OVGP1: variants seen among roughly 807,000 people sequenced by gnomAD.
OVGP1 encodes oviduct-specific glycoprotein.
Under a neutral mutation model 48.2 loss-of-function variants are expected in OVGP1, and 26 were observed. The observed-to-expected ratio is 0.54, with a 90% confidence interval of 0.40 to 0.75. The LOEUF (loss-of-function observed/expected upper bound fraction) is 0.75. Among genes scored for constraint, OVGP1 ranks in the 30% least tolerant of loss-of-function variants. OVGP1 has a pLI of 0.00. For synonymous variants in OVGP1, 294 were observed against 305.7 expected, an observed-to-expected ratio of 0.96 and a Z score of 0.40; for missense variants, 791 against 820.6, an observed-to-expected ratio of 0.96 and a Z score of 0.44.
Position 111,426,838 on chromosome 1 carries a change from T to G in OVGP1, c.56-197A>C. On this transcript the variant is annotated intron_variant, in intron 2 of 10. Transcript: ENST00000369732. Reference sequence around the variant, plus strand: ...TGCTGAGGTCTCAGGAAGAAAACAATGCCTTGTGAAATCCTGGTCAGAACA... The same window carrying G: ...TGCTGAGGTCTCAGGAAGAAAACAAGGCCTTGTGAAATCCTGGTCAGAACA... 1.9e-6 allele frequency: 3 copies of G among 1,547,776 alleles called. No homozygotes were observed. In the South Asian group the frequency reaches 3.6e-5, roughly 19 times the overall value.
chr1:111,426,862 C>A (rs1317139342), intron 2 of OVGP1, 200 bp downstream of exon 2: 19 of 1,548,690 alleles, frequency 1.2e-5, no homozygotes, highest in Non-Finnish European at 1.7e-5. Context: ...CTGGTCAGAA[C>A]AGATTCTCAA....
chr1:111,416,453 C>T lies in OVGP1; in HGVS notation c.1026G>A (p.Trp342Ter), dbSNP rs145466502. The T allele has an allele frequency of 1.3e-4, 204 of 1,602,732 alleles. No individual in the cohort carries two copies. The highest frequency in any genetic ancestry group is 1.6e-4 in the Non-Finnish European group (187 of 1,174,364). Residue 342 changes from tryptophan (W) to a stop codon, truncating the protein, a stop_gained, in exon 10 of 11, where the codon TGG becomes TGA. Transcript: ENST00000369732. LOFTEE classifies it high-confidence loss of function. ...CCCCAAAATGCTCTCGCCTTATAAA[C>T]CATGCCTGTAAAAGTAACAGTCAGT... The part of the protein sequence containing the change: ...DNAISFSYKA[W>*]FIRREHFGGA...
chr1:111,417,368 G>A (rs374517280), intron 9 of OVGP1, among the ~76,000 whole-genome samples: 1 of 152,234 alleles, frequency 6.6e-6, no homozygotes, highest in Non-Finnish European at 1.5e-5. Context: ...AAATGGCAGA[G>A]CTTAGATTCA....
At position 111,414,759 on chromosome 1, in the gene OVGP1, A is replaced by T; in HGVS notation, c.1742T>A (p.Ile581Lys). ...AGTCTGCCCTTCAGGGGTGACTGAT[A>T]TGTTTCTGGAGGGGACAGTCACCTT... ...REKVTVPSRN[I>K]SVTPEGQTMP... is the part of the protein sequence containing the mutation. Residue 581 changes from isoleucine to lysine, a missense_variant, in exon 11 of 11, where the codon ATA becomes AAA. Transcript: ENST00000369732. 6.2e-7 allele frequency: 1 copy of T among 1,610,816 alleles called. No individual in the cohort carries two copies. The highest frequency in any genetic ancestry group is 1.1e-5 in the South Asian group (1 of 90,954).
intron 10 of OVGP1, 135 bp from the exon 11 acceptor site, chr1:111,415,479 A>G: frequency 1.3e-6 from 1 of 749,514 alleles, no homozygotes; most frequent in South Asian, 1.9e-5. Flanking sequence ...TTCATACTAT[A>G]CCTACTTGAG....
intron 3 of OVGP1, 23 bp downstream of exon 3, chr1:111,426,414 C>A: frequency 6.2e-7 from 1 of 1,613,594 alleles, no homozygotes; most frequent in Non-Finnish European, 8.5e-7. Context: ...AAAATACAAC[C>A]CCCACATCCA....
In OVGP1 at chr1:111,426,545, C is replaced by A. The variant is rs1248577377; in HGVS notation, c.152G>T (p.Cys51Phe). The change falls in exon 3 of 11, where the codon TGC becomes TTC. Residue 51 changes from cysteine (C) to phenylalanine (F), a missense_variant. Cys to Phe is a radical substitution (Grantham distance 205). Coordinates refer to ENST00000369732, the MANE Select transcript of OVGP1 (RefSeq NM_002557.4). ...ILPHDLDPFL[C>F]THLIFAFASM... ...GGCAAAGGCAAATATCAGGTGGGTG[C>A]AGAGAAAGGGGTCCAGGTCATGGGG... 1.2e-6 allele frequency: 2 copies of A among 1,614,114 alleles called. No homozygotes were observed. Among genetic ancestry groups the A allele is most frequent in the Non-Finnish European group, 8.5e-7 (1 of 1,180,012 alleles).
Position 111,425,384 on chromosome 1 carries a change from T to C in OVGP1, c.316A>G (p.Arg106Gly). 1 of 1,613,838 alleles carries C rather than the reference T, an allele frequency of 6.2e-7. No homozygotes were observed. The highest frequency in any genetic ancestry group is 8.5e-7 in the Non-Finnish European group (1 of 1,179,866). ...AAGAGAATAACAGCAAAGTCTCACC[T>C]TGAGGTGCCAAAGTTCCACCCGCCG... is the stretch of plus-strand genomic sequence containing the variant. ...SIGGWNFGTS[R>G]FTTMLSTFAN... The change falls in exon 4 of 11, where the codon AGA becomes GGA. Residue 106 changes from arginine (R) to glycine (G), a missense_variant and splice_region_variant. Transcript: ENST00000369732.
intron 9 of OVGP1, among the ~76,000 whole-genome samples, chr1:111,417,610 G>A (rs1571353169): frequency 6.6e-6 from 1 of 151,814 alleles, no homozygotes; most frequent in Non-Finnish European, 1.5e-5. Flanking sequence ...TAGTCTGCCA[G>A]TTTTGTGTGT....
chr1:111,427,086 C>T lies in OVGP1; in HGVS notation c.31G>A (p.Val11Ile), dbSNP rs747945915. 6.2e-7 allele frequency: 1 copy of T among 1,614,044 alleles called. No homozygotes were observed. Among genetic ancestry groups the T allele is most frequent in the Non-Finnish European group, 8.5e-7 (1 of 1,179,976 alleles). Residue 11 changes from valine to isoleucine, a missense_variant, in exon 2 of 11, where the codon GTT becomes ATT. Val to Ile is a conservative substitution (Grantham distance 29). Coordinates refer to ENST00000369732, the MANE Select transcript of OVGP1 (RefSeq NM_002557.4). ...CCATCGTGGTGTTTCAGCACAAGAACCAGCCCTGTGAGAAACAAAGGAAGG... is the reference window on the plus strand; with the variant it reads ...CCATCGTGGTGTTTCAGCACAAGAATCAGCCCTGTGAGAAACAAAGGAAGG... MWKLLLWVGL[V>I]LVLKHHDGAA...
At chr1:111,421,764 CATTGGT>C in intron 6 of OVGP1, 91 bp from the exon 7 acceptor site, 1 of 791,124 alleles carries the variant, frequency 1.3e-6, no homozygotes, top group Admixed American at 2.0e-5. Context: ...ACTAGCTAGA[CATTGGT>C]CACCAGAGCT....
intron 8 of OVGP1, 130 bp downstream of exon 8, chr1:111,421,146 T>C: frequency 1.4e-6 from 1 of 739,330 alleles, no homozygotes; most frequent in Non-Finnish European, 2.1e-6. Context: ...TGGGTTTCTC[T>C]TGTACTAATA....
At position 111,414,786 on chromosome 1, in the gene OVGP1, T is replaced by C; in HGVS notation, c.1715A>G (p.Glu572Gly). The change falls in exon 11 of 11, where the codon GAA (glutamate) becomes GGA (glycine). Residue 572 changes from glutamate (E) to glycine (G), a missense_variant. By Grantham distance (98) the Glu-to-Gly change is moderately conservative. Coordinates refer to ENST00000369732, the MANE Select transcript of OVGP1 (RefSeq NM_002557.4). ...GTTTCTGGAGGGGACAGTCACCTTT[T>C]CACGGGCCACAGCCTTCCTTCTAGG... ...VAPRRKAVAR[E>G]KVTVPSRNIS... is the part of the protein sequence containing the mutation. 1 of 1,604,916 alleles carries C rather than the reference T, an allele frequency of 6.2e-7. No homozygotes were observed. Among genetic ancestry groups the C allele is most frequent in the Non-Finnish European group, 8.5e-7 (1 of 1,173,430 alleles).
rs1652076156 is a variant in OVGP1 at position 111,414,684 on chromosome 1, C to T, written c.1817G>A (p.Arg606Lys). The T allele has an allele frequency of 6.2e-7, 1 of 1,614,114 alleles. No individual in the cohort carries two copies. Among genetic ancestry groups the T allele is most frequent in the South Asian group, 1.1e-5 (1 of 91,080 alleles). The change falls in exon 11 of 11, where the codon AGG becomes AAG. Residue 606 changes from arginine (R) to lysine (K), a missense_variant. Coordinates refer to ENST00000369732, the MANE Select transcript of OVGP1 (RefSeq NM_002557.4). ...CATCTGAAGACCCAAGTTACCCATCCTGGGGTGAGTGCCCACCTCAGAAGT... is the reference window on the plus strand; with the variant it reads ...CATCTGAAGACCCAAGTTACCCATCTTGGGGTGAGTGCCCACCTCAGAAGT... ...NLTSEVGTHP[R>K]MGNLGLQMEA...
chr1:111,418,789 A>G (rs995762903), intron 9 of OVGP1, among the ~76,000 whole-genome samples: 2 of 152,188 alleles, frequency 1.3e-5, no homozygotes, highest in South Asian at 2.1e-4. Flanking sequence ...AATAGTTTCC[A>G]AAGTTTTTCT....
In OVGP1 at chr1:111,414,923, A is replaced by G; in HGVS notation, c.1578T>C (p.Pro526=). ...CAGGGGTCACAGACTGATGACCCAC[A>G]GGGGTCAGGGTCTTTTCCCCAGGGG... is the stretch of plus-strand genomic sequence containing the variant. ...SVTPGEKTLT[P]VGHQSVTPVS... Residue 526 remains proline, a synonymous_variant, in exon 11 of 11, where the codon CCT becomes CCC. Transcript: ENST00000369732. 6.6e-7 allele frequency: 1 copy of G among 1,517,434 alleles called. No homozygotes were observed. The highest frequency in any genetic ancestry group is 2.4e-5 in the East Asian group (1 of 42,266). 94.0% of individuals were successfully genotyped at this position (1,517,434 alleles called of 1,614,324 possible).
chr1:111,426,513 T>C lies in OVGP1; in HGVS notation c.184A>G (p.Asn62Asp). Residue 62 changes from asparagine (N) to aspartate (D), a missense_variant, in exon 3 of 11, where the codon AAC (asparagine) becomes GAC (aspartate). Transcript: ENST00000369732. ...TCCTTAGCAACAATCTGATTGTTGT[T>C]CATTGAGGCAAAGGCAAATATCAGG... ...THLIFAFASM[N>D]NNQIVAKDLQ... 2 of 1,614,154 alleles carry C rather than the reference T, an allele frequency of 1.2e-6. No individual in the cohort carries two copies. Among genetic ancestry groups the C allele is most frequent in the Non-Finnish European group, 1.7e-6 (2 of 1,180,014 alleles).
At position 111,423,558 on chromosome 1, in the gene OVGP1, A is replaced by G. The variant is rs1221725565; in HGVS notation, c.468T>C (p.Phe156=). ...CCAGACTTACTTCAATTAAGAAGAG[A>G]AAAGTCCACCGGTCATGCATGGGGC... The part of the protein sequence containing the change: ...RGSPMHDRWT[F]LFLIEELLFA... The change falls in exon 5 of 11, where the codon TTT becomes TTC. Residue 156 remains phenylalanine, a synonymous_variant. Coordinates refer to ENST00000369732, the MANE Select transcript of OVGP1 (RefSeq NM_002557.4). 1.9e-6 allele frequency: 3 copies of G among 1,614,076 alleles called. No individual in the cohort carries two copies. Among genetic ancestry groups the G allele is most frequent in the Non-Finnish European group, 2.5e-6 (3 of 1,179,994 alleles).
Position 111,414,481 on chromosome 1 carries a change from C to T in OVGP1, c.2020G>A (p.Val674Met). The T allele has an allele frequency of 6.2e-7, 1 of 1,612,558 alleles. No individual in the cohort carries two copies. The highest frequency in any genetic ancestry group is 2.2e-5 in the East Asian group (1 of 44,866). Residue 674 changes from valine (V) to methionine (M), a missense_variant, in exon 11 of 11, where the codon GTG becomes ATG. By Grantham distance (21) the Val-to-Met change is conservative (BLOSUM62 1). Coordinates refer to ENST00000369732, the MANE Select transcript of OVGP1 (RefSeq NM_002557.4). ...LKKEIPENSAVDEEA is the reference protein window; with the variant it reads ...LKKEIPENSAMDEEA ...AGAGGGGCTTAGGCTTCTTCATCCA[C>T]AGCAGAGTTTTCTGGGATTTCTTTT... is the stretch of plus-strand genomic sequence containing the variant.
Sources: allele counts gnomAD v4.1 joint callset (sites outside exome capture counted in the v4.1 genomes callset), GRCh38; gene constraint gnomAD v4.1.1; transcripts MANE v1.5; gene names NCBI Gene and HGNC (gene_info 2026-07-23, HGNC 2026-07-21).